FSTL1: variants seen among roughly 807,000 people sequenced by gnomAD.
FSTL1 encodes the protein follistatin-related protein 1.
In FSTL1, 24 loss-of-function variants were observed where a neutral mutation model predicts 45.9. The observed-to-expected ratio is 0.52, with a 90% CI of 0.38 to 0.74. The LOEUF is 0.74. FSTL1 is among the 30% of genes least tolerant of loss of function. FSTL1 has a pLI of 0.00. For synonymous variants in FSTL1, 120 were observed against 137.6 expected (o/e 0.87, Z 0.89); for missense variants, 340 against 381.8 (o/e 0.89, Z 0.91).
chr3:120,446,621 T>C lies in FSTL1; in HGVS notation c.63+4063A>G, dbSNP rs79430593. Among the ~76,000 whole-genome samples the C allele has an allele frequency of 8.7e-3, 1,325 of 152,320 alleles. 9 individuals carry two copies. The highest frequency in any genetic ancestry group is 0.03 in the African/African-American group (1,253 of 41,562). ...TTAGAGATCTTTTTAGCTTTGTTAA[T>C]AATACAAGTTGTGGCACCAAGAAGA... On this transcript the variant is annotated intron_variant, in intron 2 of 10. Coordinates refer to ENST00000295633, the MANE Select transcript of FSTL1 (RefSeq NM_007085.5).
intron 2 of FSTL1, among the ~76,000 whole-genome samples, chr3:120,445,784 T>A (rs1397677967): frequency 6.7e-6 from 1 of 149,900 alleles, no homozygotes; most frequent in East Asian, 1.9e-4. Flanking sequence ...ACCACTAGAC[T>A]GTAAATAATG....
At chr3:120,404,425 T>C (rs572163242) in intron 7 of FSTL1, among the ~76,000 whole-genome samples, 1 of 152,342 alleles carries the variant, frequency 6.6e-6, no homozygotes, top group South Asian at 2.1e-4. Context: ...GACGGGCATA[T>C]ATCTGTAACA....
chr3:120,450,613 G>T, intron 2 of FSTL1, 71 bp downstream of exon 2: 1 of 1,027,610 alleles, frequency 9.7e-7, no homozygotes, highest in Non-Finnish European at 1.3e-6. Context: ...CAGGACGCGC[G>T]CCCACCCGCC....
chr3:120,442,208 A>G (rs1309965363), intron 2 of FSTL1, among the ~76,000 whole-genome samples: 1 of 152,238 alleles, frequency 6.6e-6, no homozygotes, highest in Non-Finnish European at 1.5e-5. Flanking sequence ...GTAGACAGGT[A>G]GAGACACAGG....
chr3:120,395,281 A>C lies in FSTL1; in HGVS notation c.*1671T>G, dbSNP rs13709. 86,655 of 190,332 alleles carry C rather than the reference A, an allele frequency of 0.46. 20,497 individuals are homozygous for C. Among genetic ancestry groups the C allele is most frequent in the Non-Finnish European group, 0.49 (45,984 of 93,934 alleles). 11.8% of individuals were successfully genotyped at this position (190,332 alleles called of 1,614,324 possible). A position where few individuals can be genotyped will look rare whatever the true frequency, so the allele number is the denominator to read the frequency against. ...CTGCAAATGAGATCTTATGTCAAGG[A>C]TTTAATCTTTGGTATTCCAAATGCA... On this transcript the variant is annotated 3_prime_UTR_variant, in exon 11 of 11. Transcript: ENST00000295633.
At chr3:120,412,926 T>C (rs1937101739) in intron 3 of FSTL1, among the ~76,000 whole-genome samples, 1 of 151,772 alleles carries the variant, frequency 6.6e-6, no homozygotes, top group South Asian at 2.1e-4. Flanking sequence ...TATATACTAT[T>C]GGGGGAACAC....
chr3:120,432,116 C>T (rs1329931744), intron 2 of FSTL1, among the ~76,000 whole-genome samples: 1 of 152,140 alleles, frequency 6.6e-6, no homozygotes, highest in Non-Finnish European at 1.5e-5. Context: ...TGGGGGCATA[C>T]AAATCCATGG....
chr3:120,448,500 C>T, intron 2 of FSTL1, among the ~76,000 whole-genome samples: 1 of 152,190 alleles, frequency 6.6e-6, no homozygotes, highest in East Asian at 1.9e-4. Context: ...CTTGGCCAGG[C>T]ACCAGGAGGT....
In FSTL1 at chr3:120,406,930, C is replaced by T. The variant is rs75745060; in HGVS notation, c.463-1959G>A. Among the ~76,000 whole-genome samples the T allele has an allele frequency of 7.1e-4, 108 of 152,104 alleles. No individual in the cohort carries two copies. In the East Asian group the frequency reaches 0.021, roughly 29 times the overall value. ...CTTGGGGATGGGATCCAAATGTAAA[C>T]ATGAAATTCATCCCTGTTTCCTATA... On this transcript the variant is annotated intron_variant, in intron 6 of 10. Transcript: ENST00000295633.
At chr3:120,447,119 T>C (rs565840724) in intron 2 of FSTL1, among the ~76,000 whole-genome samples, 30 of 152,144 alleles carry the variant, frequency 2.0e-4, no homozygotes, top group Non-Finnish European at 3.8e-4. Flanking sequence ...CAGCCTGCCA[T>C]GTTAGAGTGA....
At position 120,394,510 on chromosome 3, in the gene FSTL1, C is replaced by T. The variant is rs1315693139; in HGVS notation, c.*2442G>A. 1.3e-5 allele frequency: 2 copies of T among 152,214 alleles called. No individual in the cohort carries two copies. Among genetic ancestry groups the T allele is most frequent in the African/African-American group, 2.4e-5 (1 of 41,456 alleles). The allele number at this position is 152,214 out of a possible 1,614,324, so 9.4% of individuals were successfully genotyped here. On this transcript the variant is annotated 3_prime_UTR_variant, in exon 11 of 11. Transcript: ENST00000295633. ...GGGCTTGTTAGCAGGCAGAGGAACC[C>T]TGCTTTCCAAAAACTGATATAGTCC...
At chr3:120,426,043 C>A (rs1937373635) in intron 2 of FSTL1, among the ~76,000 whole-genome samples, 1 of 152,186 alleles carries the variant, frequency 6.6e-6, no homozygotes, top group African/African-American at 2.4e-5. Context: ...ATTCTTCATT[C>A]CTGCCAAGAA....
At chr3:120,449,006 T>C (rs1937819976) in intron 2 of FSTL1, among the ~76,000 whole-genome samples, 1 of 152,226 alleles carries the variant, frequency 6.6e-6, no homozygotes, top group Non-Finnish European at 1.5e-5. Context: ...GGTCTGCAAC[T>C]GCCTTTTGAG....
rs1936670000 is a variant in FSTL1, at chr3:120,395,064, A to C, written c.*1888T>G. ...AGGGAGCTGCATTTCAGACTGAACA[A>C]GTGGAGTTTGAAGAGTTTTTAGATG... On this transcript the variant is annotated 3_prime_UTR_variant, in exon 11 of 11. Transcript: ENST00000295633. The C allele has an allele frequency of 6.5e-6, 1 of 153,340 alleles. No individual in the cohort carries two copies. The highest frequency in any genetic ancestry group is 2.1e-4 in the South Asian group (1 of 4,848). The allele number at this position is 153,340 out of a possible 1,614,324, so 9.5% of individuals were successfully genotyped here.
intron 7 of FSTL1, 122 bp downstream of exon 7, chr3:120,404,731 T>C (rs1301679199): frequency 5.7e-6 from 4 of 697,028 alleles, no homozygotes; most frequent in Non-Finnish European, 1.1e-5. Context: ...AGAATTCCCA[T>C]TTTGCTTTTT....
chr3:120,403,961 C>CAAAA (rs57786208), intron 7 of FSTL1, among the ~76,000 whole-genome samples: 8 of 75,772 alleles, frequency 1.1e-4, no homozygotes, highest in Admixed American at 1.2e-4. Context: ...CAAAACAAAA[C>CAAAA]AAAAACAAAA....
At chr3:120,442,351 T>C (rs1023167734) in intron 2 of FSTL1, among the ~76,000 whole-genome samples, 7 of 151,740 alleles carry the variant, frequency 4.6e-5, no homozygotes, top group African/African-American at 1.7e-4. Context: ...TAACTGAAGA[T>C]ACAAGTTAGA....
Position 120,403,267 on chromosome 3 carries a change from G to A in FSTL1, c.669C>T (p.Asn223=). 1 of 1,605,154 alleles carries A rather than the reference G, an allele frequency of 6.2e-7. No homozygotes were observed. Among genetic ancestry groups the A allele is most frequent in the Non-Finnish European group, 8.5e-7 (1 of 1,171,840 alleles). The change falls in exon 8 of 11, where the codon AAC becomes AAT. Residue 223 remains asparagine, a synonymous_variant. Coordinates refer to ENST00000295633, the MANE Select transcript of FSTL1 (RefSeq NM_007085.5). ...LSFQEFLKCL[N]PSFNPPEKKC... ...TCTTCTCAGGAGGGTTGAAAGATGG[G>A]TTGAGGCACTTGAGAAACTCTTGGA...
At chr3:120,406,596 T>C (rs1441087940) in intron 6 of FSTL1, among the ~76,000 whole-genome samples, 1 of 152,180 alleles carries the variant, frequency 6.6e-6, no homozygotes, top group Non-Finnish European at 1.5e-5. Flanking sequence ...TCTCAACTCA[T>C]GAGGGTCCAG....
Sources: allele counts gnomAD v4.1 joint callset (sites outside exome capture counted in the v4.1 genomes callset), GRCh38; gene constraint gnomAD v4.1.1; transcripts MANE v1.5; gene names NCBI Gene and HGNC (gene_info 2026-07-23, HGNC 2026-07-21).